IL3RA: variants seen among roughly 807,000 people sequenced by gnomAD.
The protein encoded by IL3RA is interleukin-3 receptor subunit alpha.
A neutral mutation model predicts 52.3 loss-of-function variants in IL3RA; 73 were observed. That is an observed-to-expected ratio of 1.40 (90% CI 1.16 to 1.70). IL3RA has a LOEUF of 1.70. Among genes scored for constraint, IL3RA ranks in the 40% most tolerant of loss-of-function variants. The probability of loss-of-function intolerance (pLI) is 0.00; values close to 1 mark genes in which losing one functional copy is unlikely to be tolerated. For missense variants in IL3RA, 664 were observed against 504.4 expected, an observed-to-expected ratio of 1.32 and a Z score of -3.03; for synonymous variants, 260 against 194.0, an observed-to-expected ratio of 1.34 and a Z score of -2.83.
chrX:1,340,548 A>G (rs1449199354), intron 1 of IL3RA, among the ~76,000 whole-genome samples: 7 of 151,988 alleles, frequency 4.6e-5, no homozygotes, highest in African/African-American at 1.7e-4. Context: ...ATGCACTTCT[A>G]GGCACATGCA....
In IL3RA at chrX:1,348,491, A is replaced by G; in HGVS notation, c.244A>G (p.Thr82Ala). 1.2e-6 allele frequency: 2 copies of G among 1,613,758 alleles called. No individual in the cohort carries two copies. The highest frequency in any genetic ancestry group is 1.7e-6 in the Non-Finnish European group (2 of 1,179,824). Reference sequence around the variant, plus strand: ...TTCCTTATGTGAAGTGACCAACTACACCGTCCGAGTGGCCAACCCACCATT... The same window carrying G: ...TTCCTTATGTGAAGTGACCAACTACGCCGTCCGAGTGGCCAACCCACCATT... ...AISLCEVTNY[T>A]VRVANPPFST... Residue 82 changes from threonine (T) to alanine (A), a missense_variant, in exon 4 of 12, where the codon ACC (threonine) becomes GCC (alanine). Thr to Ala is a moderately conservative substitution (Grantham distance 58, BLOSUM62 0). Transcript: ENST00000331035.
intron 3 of IL3RA, 84 bp from the exon 4 acceptor site, chrX:1,348,347 C>T (rs1351028522): frequency 1.8e-6 from 2 of 1,089,816 alleles, no homozygotes; most frequent in Admixed American, 3.4e-5. Context: ...GAGCGAAACT[C>T]TGCCTCAAAA....
chrX:1,348,648 TTCTTTC>T (rs1277077882), intron 4 of IL3RA, 103 bp downstream of exon 4: 2 of 292,884 alleles, frequency 6.8e-6, no homozygotes, highest in East Asian at 6.9e-5. Context: ...CTTTTTCTCT[TTCTTTC>T]TTTCTTTCTT....
Position 1,347,107 on chromosome X carries a change from C to G in IL3RA, c.184-1324C>G, listed in dbSNP as rs750365155. Among the ~76,000 whole-genome samples the G allele has an allele frequency of 7.3e-5, 11 of 151,448 alleles. No homozygotes were observed. In the East Asian group the frequency reaches 1.7e-3, roughly 24 times the overall value. ...GAAGGAGAACCTGCCTTACCTATAT[C>G]AAAAGGCACTGAAAAGTTCATACCC... On this transcript the variant is annotated intron_variant, in intron 3 of 11. Coordinates refer to ENST00000331035, the MANE Select transcript of IL3RA (RefSeq NM_002183.4).
rs755053195 is a variant in IL3RA at position 1,362,369 on chromosome X, CTCTG to C, written c.760-2765_760-2762del. On this transcript the variant is annotated intron_variant, in intron 8 of 11. Transcript: ENST00000331035. ...TCTGTCTCTCTCTGTCCATCACCTACTCTGTCTCTTTGTCTCTGTCTGTTTCTGT... is the reference window on the plus strand; with the variant it reads ...TCTGTCTCTCTCTGTCCATCACCTACTCTCTTTGTCTCTGTCTGTTTCTGT... Among the ~76,000 whole-genome samples, 49 of 150,618 alleles carry C rather than the reference CTCTG, an allele frequency of 3.3e-4. No individual in the cohort carries two copies. The East Asian group carries it at 4.3e-3, about 13-fold the overall frequency.
rs2089159022 is a variant in IL3RA at position 1,381,107 on chromosome X, ATGT to A, written c.1062+8_1062+10del. 3 of 1,613,572 alleles carry A rather than the reference ATGT, an allele frequency of 1.9e-6. No homozygotes were observed. The highest frequency in any genetic ancestry group is 1.3e-5 in the African/African-American group (1 of 74,902). Reference sequence around the variant, plus strand: ...ACAGCTTCCAAAACGACAAGCTGGTATGTTGTTTTTTCTGCCTTGGGACGGGTC... The same window carrying A: ...ACAGCTTCCAAAACGACAAGCTGGTATGTTTTTTCTGCCTTGGGACGGGTC... On this transcript the variant is annotated splice_donor_5th_base_variant and intron_variant, in intron 11 of 11. Transcript: ENST00000331035.
chrX:1,377,105 C>T (rs868615322), intron 9 of IL3RA, among the ~76,000 whole-genome samples: 3 of 141,482 alleles, frequency 2.1e-5, no homozygotes, highest in South Asian at 4.6e-4. Context: ...CTGTGGGACA[C>T]GGAGAAGACG....
In IL3RA at chrX:1,352,459, C is replaced by G. The variant is rs150303770; in HGVS notation, c.569C>G (p.Ala190Gly). 18 of 1,613,720 alleles carry G rather than the reference C, an allele frequency of 1.1e-5. No homozygotes were observed. The highest frequency in any genetic ancestry group is 1.5e-5 in the Non-Finnish European group (18 of 1,179,874). The change falls in exon 6 of 12, where the codon GCC (alanine) becomes GGC (glycine). Residue 190 changes from alanine (A) to glycine (G), a missense_variant. Physicochemically the swap from Ala to Gly is moderately conservative, Grantham distance 60. Coordinates refer to ENST00000331035, the MANE Select transcript of IL3RA (RefSeq NM_002183.4). ...ATCCTGGTGCGGGGCAGGAGCGCAG[C>G]CTTCGGTATCCCCTGCACAGATAAG... is the stretch of plus-strand genomic sequence containing the variant. ...SHILVRGRSA[A>G]FGIPCTDKFV...
intron 2 of IL3RA, among the ~76,000 whole-genome samples, chrX:1,343,019 G>A (rs772651782): frequency 6.6e-6 from 1 of 151,790 alleles, no homozygotes; most frequent in Non-Finnish European, 1.5e-5. Context: ...AGGTTGCAGT[G>A]AGCCTAGATC....
rs186651837 is a variant in IL3RA, at chrX:1,357,244, G to A, written c.732+908G>A. On this transcript the variant is annotated intron_variant, in intron 7 of 11. Coordinates refer to ENST00000331035, the MANE Select transcript of IL3RA (RefSeq NM_002183.4). ...GCTGGGATTACAGGTGTGAGCCTTCGTGCGCAGCCTATGTGTTATATTTAG... is the reference window on the plus strand; with the variant it reads ...GCTGGGATTACAGGTGTGAGCCTTCATGCGCAGCCTATGTGTTATATTTAG... Among the ~76,000 whole-genome samples the A allele has an allele frequency of 3.9e-3, 591 of 152,076 alleles. 2 individuals are homozygous for A. The highest frequency in any genetic ancestry group is 5.5e-3 in the Non-Finnish European group (377 of 67,986).
chrX:1,363,302 C>CTT (rs769178382), intron 8 of IL3RA, among the ~76,000 whole-genome samples: 9 of 130,630 alleles, frequency 6.9e-5, no homozygotes, highest in South Asian at 2.4e-4. Context: ...GTCTTTTCTT[C>CTT]TTTTTTTTTT....
intron 1 of IL3RA, among the ~76,000 whole-genome samples, chrX:1,338,643 G>A (rs1197654248): frequency 2.6e-5 from 4 of 152,226 alleles, no homozygotes; most frequent in Non-Finnish European, 5.9e-5. Flanking sequence ...GATACATAGT[G>A]TCTGTATGAT....
At chrX:1,380,609 AGGATGAGTGGGGAGGGGG>A (rs2089128206) in intron 10 of IL3RA, among the ~76,000 whole-genome samples, 1 of 17,430 alleles carries the variant, frequency 5.7e-5, no homozygotes, top group Non-Finnish European at 9.2e-5. Flanking sequence ...AGGAGAGGGG[AGGATGAGTGGGGAGGGGG>A]AAGGAGGGAG....
intron 3 of IL3RA, among the ~76,000 whole-genome samples, chrX:1,347,180 C>G (rs1255735535): frequency 1.3e-5 from 2 of 151,414 alleles, no homozygotes; most frequent in African/African-American, 2.4e-5. Context: ...GGCGTGGTGG[C>G]TCACGCCTGT....
chrX:1,370,881 C>G, intron 9 of IL3RA, among the ~76,000 whole-genome samples: 1 of 45,096 alleles, frequency 2.2e-5, no homozygotes, highest in South Asian at 1.3e-3. Flanking sequence ...ACCTGGATCT[C>G]AGACCTCCAG....
At chrX:1,340,238 C>T (rs776911122) in intron 1 of IL3RA, among the ~76,000 whole-genome samples, 1 of 151,986 alleles carries the variant, frequency 6.6e-6, no homozygotes, top group South Asian at 2.1e-4. Flanking sequence ...GCCTCAGCCT[C>T]CCGAGTAGCT....
At chrX:1,345,220 C>T in intron 2 of IL3RA, 96 bp from the exon 3 acceptor site, 1 of 708,172 alleles carries the variant, frequency 1.4e-6, no homozygotes, top group Non-Finnish European at 2.4e-6. Context: ...AAGGTATTGG[C>T]TAACTCCACG....
At chrX:1,368,196 T>C (rs756304838) in intron 9 of IL3RA, among the ~76,000 whole-genome samples, 1 of 145,822 alleles carries the variant, frequency 6.9e-6, no homozygotes, top group African/African-American at 2.6e-5. Context: ...GAGGCGGAGG[T>C]TGCAGTGAGC....
chrX:1,347,991 C>G (rs17881108), intron 3 of IL3RA, among the ~76,000 whole-genome samples: 1 of 143,990 alleles, frequency 6.9e-6, no homozygotes, highest in Non-Finnish European at 1.5e-5. Context: ...GAGCCGAGAT[C>G]GCGCCCCTGC....
Sources: allele counts gnomAD v4.1 joint callset (sites outside exome capture counted in the v4.1 genomes callset), GRCh38; gene constraint gnomAD v4.1.1; transcripts MANE v1.5; gene names NCBI Gene and HGNC (gene_info 2026-07-23, HGNC 2026-07-21).